EOMES: variants seen among roughly 807,000 people sequenced by gnomAD.
The protein encoded by EOMES is eomesodermin.
In EOMES, 18 loss-of-function variants were observed where a neutral mutation model predicts 61.0. The observed-to-expected ratio is 0.30, with a 90% CI of 0.20 to 0.44. The LOEUF (loss-of-function observed/expected upper bound fraction) is 0.44, where lower values mean the gene tolerates loss of function less well. Ranked by LOEUF, EOMES falls within the 20% of genes least tolerant of loss-of-function variation. The probability of loss-of-function intolerance (pLI) is 1.00; values close to 1 mark genes in which losing one functional copy is unlikely to be tolerated. For missense variants in EOMES, 885 were observed against 939.2 expected (o/e 0.94, Z 0.75); for synonymous variants, 430 against 394.0 (o/e 1.09, Z -1.08).
Position 27,721,265 on chromosome 3 carries a change from G to A in EOMES, c.881+149C>T. 1 of 639,836 alleles carries A rather than the reference G, an allele frequency of 1.6e-6. No homozygotes were observed. Among genetic ancestry groups the A allele is most frequent in the Non-Finnish European group, 2.7e-6 (1 of 371,142 alleles). 39.6% of individuals were successfully genotyped at this position (639,836 alleles called of 1,614,324 possible). A position where few individuals can be genotyped will look rare whatever the true frequency, so the allele number is the denominator to read the frequency against. On this transcript the variant is annotated intron_variant, in intron 1 of 5. Coordinates refer to ENST00000449599, the MANE Select transcript of EOMES (RefSeq NM_001278182.2). This position sits in a 1 kb window ranked among gnomAD's most constrained non-coding sequence, Gnocchi z 7.4. ...CACAGAGGGACACCGCATTGGAGATGCGGTGTCTACGGAGATTTATTGCGC... is the reference window on the plus strand; with the variant it reads ...CACAGAGGGACACCGCATTGGAGATACGGTGTCTACGGAGATTTATTGCGC...
chr3:27,720,151 C>G lies in EOMES; in HGVS notation c.1036+20G>C. 1.3e-6 allele frequency: 2 copies of G among 1,539,338 alleles called. No individual in the cohort carries two copies. Among genetic ancestry groups the G allele is most frequent in the Non-Finnish European group, 1.7e-6 (2 of 1,145,710 alleles). On this transcript the variant is annotated intron_variant, in intron 2 of 5. Coordinates refer to ENST00000449599, the MANE Select transcript of EOMES (RefSeq NM_001278182.2). ...TCTTCCCGCCCGTTCCTCCCCGGCC[C>G]GAGCCTCTTCTCTGCTCACCCTGCA...
At position 27,721,502 on chromosome 3, in the gene EOMES, A is replaced by G. The variant is rs2060612396; in HGVS notation, c.793T>C (p.Phe265Leu). 1.5e-5 allele frequency: 24 copies of G among 1,613,272 alleles called. No individual in the cohort carries two copies. The East Asian group carries it at 4.9e-4, about 33-fold the overall frequency. The change falls in exon 1 of 6, where the codon TTC (phenylalanine) becomes CTC (leucine). Residue 265 changes from phenylalanine (F) to leucine (L), a missense_variant. Around this residue, in one of 3 missense-constraint regions of EOMES, gnomAD observed 177 missense variants for 273.3 expected, o/e 0.65. Coordinates refer to ENST00000449599, the MANE Select transcript of EOMES (RefSeq NM_001278182.2). The surrounding 1 kb of genome is among the most constrained non-coding windows in gnomAD (Gnocchi z 7.4). Reference protein sequence around the residue: ...LGGLGVPGSGFRAHVYLCNRP... With the variant: ...LGGLGVPGSGLRAHVYLCNRP... ...TTGCACAGGTAGACGTGGGCACGGAAGCCAGAACCTGGAACCCCCAGGCCC... is the reference window on the plus strand; with the variant it reads ...TTGCACAGGTAGACGTGGGCACGGAGGCCAGAACCTGGAACCCCCAGGCCC...
Position 27,717,898 on chromosome 3 carries a change from G to A in EOMES, c.1380-90C>T. 1 of 978,992 alleles carries A rather than the reference G, an allele frequency of 1.0e-6. No individual in the cohort carries two copies. Among genetic ancestry groups the A allele is most frequent in the Non-Finnish European group, 1.5e-6 (1 of 685,912 alleles). 60.6% of individuals were successfully genotyped at this position (978,992 alleles called of 1,614,324 possible). A position where few individuals can be genotyped will look rare whatever the true frequency, so the allele number is the denominator to read the frequency against. ...CCTCCCAGAAATGAAAAAGGCTTGT[G>A]TTGGTTATCTACACCGAAAGTGCTG... is the stretch of plus-strand genomic sequence containing the variant. On this transcript the variant is annotated intron_variant, in intron 5 of 5. Coordinates refer to ENST00000449599, the MANE Select transcript of EOMES (RefSeq NM_001278182.2). The surrounding 1 kb of genome is among the most constrained non-coding windows in gnomAD (Gnocchi z 4.5).
intron 5 of EOMES, 114 bp downstream of exon 5, chr3:27,718,473 T>G: frequency 2.9e-6 from 2 of 680,504 alleles, no homozygotes; most frequent in Non-Finnish European, 4.6e-6. Context: ...AAGAAAAATA[T>G]GTAAAAATCC....
In EOMES at chr3:27,717,915, A is replaced by G. The variant is rs1243243247; in HGVS notation, c.1380-107T>C. 3.8e-6 allele frequency: 3 copies of G among 795,380 alleles called. No homozygotes were observed. The East Asian group carries it at 8.1e-5, about 21-fold the overall frequency. The allele number at this position is 795,380 out of a possible 1,614,324, so 49.3% of individuals were successfully genotyped here. On this transcript the variant is annotated intron_variant, in intron 5 of 5. Coordinates refer to ENST00000449599, the MANE Select transcript of EOMES (RefSeq NM_001278182.2). This position sits in a 1 kb window ranked among gnomAD's most constrained non-coding sequence, Gnocchi z 4.5. Reference sequence around the variant, plus strand: ...AGGCTTGTGTTGGTTATCTACACCGAAAGTGCTGGTCTGTTGGGCTGAAAG... The same window carrying G: ...AGGCTTGTGTTGGTTATCTACACCGGAAGTGCTGGTCTGTTGGGCTGAAAG...
chr3:27,719,364 GTGT>G lies in EOMES; in HGVS notation c.1151_1153del (p.Asn384del), dbSNP rs1321242084. 1.4e-5 allele frequency: 22 copies of G among 1,613,930 alleles called. No individual in the cohort carries two copies. The highest frequency in any genetic ancestry group is 4.5e-5 in the East Asian group (2 of 44,882). On this transcript the variant is annotated inframe_deletion, in exon 3 of 6. Transcript: ENST00000449599. ...CCTCCTGCTCTGTCACTCTACCTGGGTGTTGTTGTTATTTGCGCCTTTGTTATT... is the reference window on the plus strand; with the variant it reads ...CCTCCTGCTCTGTCACTCTACCTGGGTGTTGTTATTTGCGCCTTTGTTATT...
Position 27,721,638 on chromosome 3 carries a change from G to A in EOMES, c.657C>T (p.Gly219=), listed in dbSNP as rs1386523948. 9 of 1,541,068 alleles carry A rather than the reference G, an allele frequency of 5.8e-6. No individual in the cohort carries two copies. Among genetic ancestry groups the A allele is most frequent in the Non-Finnish European group, 7.0e-6 (8 of 1,146,950 alleles). ...GPGAGAGSGA[G]GSSGGGGGPG... is the part of the protein sequence containing the mutation. ...GGCCGCCGCCCCCGCCGCTGCTACCGCCCGCGCCACTGCCCGCACCGGCTC... is the reference window on the plus strand; with the variant it reads ...GGCCGCCGCCCCCGCCGCTGCTACCACCCGCGCCACTGCCCGCACCGGCTC... Residue 219 remains glycine, a synonymous_variant, in exon 1 of 6, where the codon GGC becomes GGT. Coordinates refer to ENST00000449599, the MANE Select transcript of EOMES (RefSeq NM_001278182.2). This position sits in a 1 kb window ranked among gnomAD's most constrained non-coding sequence, Gnocchi z 7.4.
chr3:27,717,686 T>C lies in EOMES; in HGVS notation c.1502A>G (p.Asn501Ser), dbSNP rs2125399990. The C allele has an allele frequency of 6.2e-7, 1 of 1,613,916 alleles. No homozygotes were observed. Among genetic ancestry groups the C allele is most frequent in the East Asian group, 2.2e-5 (1 of 44,862 alleles). ...VQSFFPEPFV[N>S]TLPQARYYNG... is the part of the protein sequence containing the mutation. ...ATAATAGCGGGCTTGAGGTAAAGTG[T>C]TGACAAAGGGCTCCGGGAAGAAGGA... The change falls in exon 6 of 6, where the codon AAC (asparagine) becomes AGC (serine). Residue 501 changes from asparagine to serine, a missense_variant. Physicochemically the swap from Asn to Ser is conservative, Grantham distance 46 (BLOSUM62 1). This residue lies in a region of EOMES where 259 missense variants were observed against 282.3 expected (regional missense o/e 0.92). Transcript: ENST00000449599. This position sits in a 1 kb window ranked among gnomAD's most constrained non-coding sequence, Gnocchi z 4.5.
At position 27,721,339 on chromosome 3, in the gene EOMES, T is replaced by C; in HGVS notation, c.881+75A>G. ...CGCGGAACAACTGGGTTCAGCTCCC[T>C]CATCCCGGACCTTCCCCAGGACCAC... On this transcript the variant is annotated intron_variant, in intron 1 of 5. Transcript: ENST00000449599. This position sits in a 1 kb window ranked among gnomAD's most constrained non-coding sequence, Gnocchi z 7.4. 1 of 1,305,368 alleles carries C rather than the reference T, an allele frequency of 7.7e-7. No homozygotes were observed. The highest frequency in any genetic ancestry group is 1.3e-5 in the South Asian group (1 of 78,168). The allele number at this position is 1,305,368 out of a possible 1,614,324, so 80.9% of individuals were successfully genotyped here.
chr3:27,719,131 C>T (rs908746045), intron 3 of EOMES, among the ~76,000 whole-genome samples: 8 of 150,336 alleles, frequency 5.3e-5, no homozygotes, highest in Non-Finnish European at 1.2e-4. Context: ...TTCCTAAATT[C>T]CCAAAATACT....
In EOMES at chr3:27,721,671, G is replaced by A. The variant is rs1436659569; in HGVS notation, c.624C>T (p.Phe208=). 1 of 1,532,822 alleles carries A rather than the reference G, an allele frequency of 6.5e-7. No homozygotes were observed. Among genetic ancestry groups the A allele is most frequent in the Admixed American group, 2.0e-5 (1 of 48,840 alleles). 95.0% of individuals were successfully genotyped at this position (1,532,822 alleles called of 1,614,324 possible). A position where few individuals can be genotyped will look rare whatever the true frequency, so the allele number is the denominator to read the frequency against. ...CACTGCCCGCACCGGCTCCTGGGCC[G>A]AACTGCGCCCTCCCGGGTGGGCACA... ...AAVCPPGRAQ[F]GPGAGAGSGA... is the part of the protein sequence containing the mutation. Residue 208 remains phenylalanine (F), a synonymous_variant, in exon 1 of 6, where the codon TTC becomes TTT. Coordinates refer to ENST00000449599, the MANE Select transcript of EOMES (RefSeq NM_001278182.2). The surrounding 1 kb of genome is among the most constrained non-coding windows in gnomAD (Gnocchi z 7.4).
Position 27,720,232 on chromosome 3 carries a change from G to A in EOMES, c.975C>T (p.Asn325=), listed in dbSNP as rs2060600989. The A allele has an allele frequency of 6.2e-7, 1 of 1,613,076 alleles. No individual in the cohort carries two copies. Among genetic ancestry groups the A allele is most frequent in the Non-Finnish European group, 8.5e-7 (1 of 1,179,532 alleles). Residue 325 remains asparagine, a synonymous_variant, in exon 2 of 6, where the codon AAC becomes AAT. Transcript: ENST00000449599. ...ATTTGCCCCCCTGGAAGCGCCAGTG[G>A]TTGGGGTCCGCCAGCACCACCTCTA... ...VFVEVVLADP[N]HWRFQGGKWV... is the part of the protein sequence containing the mutation.
At position 27,722,034 on chromosome 3, in the gene EOMES, G is replaced by A. The variant is rs571168136; in HGVS notation, c.261C>T (p.Asp87=). Residue 87 remains aspartate (D), a synonymous_variant, in exon 1 of 6, where the codon GAC becomes GAT. Coordinates refer to ENST00000449599, the MANE Select transcript of EOMES (RefSeq NM_001278182.2). The part of the protein sequence containing the change: ...AAMLSDTDAG[D]AFASAAAVAK... ...CCACTGCCGCAGCGCTGGCAAATGC[G>A]TCCCCGGCGTCGGTGTCACTAAGCA... 8 of 1,528,682 alleles carry A rather than the reference G, an allele frequency of 5.2e-6. No individual in the cohort carries two copies. In the South Asian group the frequency reaches 9.7e-5, roughly 19 times the overall value. 94.7% of individuals were successfully genotyped at this position (1,528,682 alleles called of 1,614,324 possible). A position where few individuals can be genotyped will look rare whatever the true frequency, so the allele number is the denominator to read the frequency against.
chr3:27,719,615 G>C, intron 2 of EOMES, 134 bp from the exon 3 acceptor site: 1 of 754,942 alleles, frequency 1.3e-6, no homozygotes, highest in East Asian at 2.6e-5. Context: ...AGTAAAAGTT[G>C]CTTAAAGAGG....
In EOMES at chr3:27,721,836, C is replaced by A; in HGVS notation, c.459G>T (p.Gly153=). Reference sequence around the variant, plus strand: ...GTGAGCAGGGCGCAGCCAGCTCCGACCCCTGAGGACCGGGGGACTGGAGGT... The same window carrying A: ...GTGAGCAGGGCGCAGCCAGCTCCGAACCCTGAGGACCGGGGGACTGGAGGT... ...RYYLQSPGPQ[G]SELAAPCSLF... is the part of the protein sequence containing the mutation. Residue 153 remains glycine, a synonymous_variant, in exon 1 of 6, where the codon GGG becomes GGT. Transcript: ENST00000449599. This position sits in a 1 kb window ranked among gnomAD's most constrained non-coding sequence, Gnocchi z 7.4. 2 of 1,518,508 alleles carry A rather than the reference C, an allele frequency of 1.3e-6. No individual in the cohort carries two copies. Among genetic ancestry groups the A allele is most frequent in the East Asian group, 2.7e-5 (1 of 37,206 alleles). The allele number at this position is 1,518,508 out of a possible 1,614,324, so 94.1% of individuals were successfully genotyped here.
At position 27,717,233 on chromosome 3, in the gene EOMES, G is replaced by A. The variant is rs2125399471; in HGVS notation, c.1955C>T (p.Ser652Leu). The change falls in exon 6 of 6, where the codon TCA becomes TTA. Residue 652 changes from serine to leucine, a missense_variant. Ser to Leu is a moderately radical substitution (Grantham distance 145, BLOSUM62 -2). Coordinates refer to ENST00000449599, the MANE Select transcript of EOMES (RefSeq NM_001278182.2). The surrounding 1 kb of genome is among the most constrained non-coding windows in gnomAD (Gnocchi z 4.5). Reference sequence around the variant, plus strand: ...CTTACAAGCACTGGTGTATACTCCTGAATCATTGGAATCTAGAGATTTGAT... The same window carrying A: ...CTTACAAGCACTGGTGTATACTCCTAAATCATTGGAATCTAGAGATTTGAT... ...PSIKSLDSND[S>L]GVYTSACKRR... The A allele has an allele frequency of 6.2e-7, 1 of 1,613,922 alleles. No individual in the cohort carries two copies. Among genetic ancestry groups the A allele is most frequent in the East Asian group, 2.2e-5 (1 of 44,870 alleles).
intron 1 of EOMES, among the ~76,000 whole-genome samples, chr3:27,720,647 C>T (rs1286735160): frequency 6.7e-6 from 1 of 149,154 alleles, no homozygotes; most frequent in Non-Finnish European, 1.5e-5. Context: ...TTCAGACGCT[C>T]TTAAAATTTT....
In EOMES at chr3:27,720,299, T is replaced by C; in HGVS notation, c.908A>G (p.Asn303Ser). Residue 303 changes from asparagine to serine, a missense_variant, in exon 2 of 6, where the codon AAC becomes AGC. Physicochemically the swap from Asn to Ser is conservative, Grantham distance 46 (BLOSUM62 1). This residue lies in a region of EOMES where 177 missense variants were observed against 273.3 expected (regional missense o/e 0.65). Transcript: ENST00000449599. ...GRRMFPFLSF[N>S]INGLNPTAHY... The stretch of plus-strand genomic sequence containing the variant: ...GGCAGTGGGATTGAGTCCGTTTATG[T>C]TGAAGCTCAAGAAAGGAAACATGCG... The C allele has an allele frequency of 1.2e-6, 2 of 1,613,884 alleles. No homozygotes were observed. The highest frequency in any genetic ancestry group is 1.7e-6 in the Non-Finnish European group (2 of 1,179,880).
chr3:27,718,697 T>A, intron 4 of EOMES, 38 bp downstream of exon 4: 1 of 1,613,470 alleles, frequency 6.2e-7, no homozygotes, highest in Admixed American at 1.7e-5. Context: ...ATGCTGGACC[T>A]TAGCTTTAGA....
Sources: gnomAD v4.1 joint callset for allele counts (sites outside exome capture counted in the v4.1 genomes callset) on GRCh38, gnomAD v4.1.1 for gene constraint, gnomAD v4.1.1 regional missense constraint, Gnocchi (gnomAD v3.1) non-coding constraint, MANE v1.5 for transcripts, NCBI Gene and HGNC (gene_info 2026-07-23, HGNC 2026-07-21) for gene names.